TTC7B: variants seen among roughly 807,000 people sequenced by gnomAD.
The protein encoded by TTC7B is tetratricopeptide repeat protein 7B.
TTC7B carries 28 observed loss-of-function variants against 106.8 expected under a neutral mutation model. That is an observed-to-expected ratio of 0.26 (90% CI 0.19 to 0.36). The LOEUF (loss-of-function observed/expected upper bound fraction) is 0.36, where lower values mean the gene tolerates loss of function less well. Ranked by LOEUF, TTC7B falls within the 10% of genes least tolerant of loss-of-function variation. The pLI is 1.00. For synonymous variants in TTC7B, 405 were observed against 430.6 expected (o/e 0.94, Z 0.74); for missense variants, 862 against 1,076.4 (o/e 0.80, Z 2.79).
Position 90,536,352 on chromosome 14 carries a change from C to T in TTC7B, c.*5016G>A, listed in dbSNP as rs1232405722. ...AAGTGGCCCCGTCAGGCCCATGGCT[C>T]CCAGCCCCGCATCCCTGACACCTCC... is the stretch of plus-strand genomic sequence containing the variant. On this transcript the variant is annotated 3_prime_UTR_variant, in exon 20 of 20. Coordinates refer to ENST00000328459, the MANE Select transcript of TTC7B (RefSeq NM_001010854.2). 1.3e-5 allele frequency: 2 copies of T among 153,392 alleles called. No individual in the cohort carries two copies. The highest frequency in any genetic ancestry group is 2.9e-5 in the Non-Finnish European group (2 of 68,368). The allele number at this position is 153,392 out of a possible 1,614,324, so 9.5% of individuals were successfully genotyped here.
intron 7 of TTC7B, among the ~76,000 whole-genome samples, chr14:90,686,138 T>C (rs7151110): frequency 0.19 from 28,640 of 152,118 alleles, 2,848 homozygotes; most frequent in East Asian, 0.29. Context: ...AAAAGGAGTA[T>C]ATACCATGAC....
chr14:90,552,624 C>A (rs1890135134), intron 19 of TTC7B, among the ~76,000 whole-genome samples: 1 of 152,214 alleles, frequency 6.6e-6, no homozygotes, highest in Non-Finnish European at 1.5e-5. Flanking sequence ...CAGGAACCCA[C>A]ACAGAAGGGC....
At chr14:90,662,158 C>G (rs1039449958) in intron 9 of TTC7B, among the ~76,000 whole-genome samples, 1 of 152,190 alleles carries the variant, frequency 6.6e-6, no homozygotes, top group Non-Finnish European at 1.5e-5. Context: ...CAGGCACTCC[C>G]AAGAAGAGAA....
chr14:90,691,549 T>C (rs1887476589), intron 6 of TTC7B, among the ~76,000 whole-genome samples: 1 of 152,220 alleles, frequency 6.6e-6, no homozygotes. Flanking sequence ...TAGCCTGTAG[T>C]TTAAATGCAT....
intron 15 of TTC7B, among the ~76,000 whole-genome samples, chr14:90,636,427 T>G (rs1170836139): frequency 1.0e-5 from 1 of 99,880 alleles, no homozygotes; most frequent in Non-Finnish European, 2.1e-5. Flanking sequence ...AACGATGTGG[T>G]AAAAAAAAAA....
At chr14:90,558,056 G>A (rs1179593077) in intron 19 of TTC7B, among the ~76,000 whole-genome samples, 4 of 152,352 alleles carry the variant, frequency 2.6e-5, no homozygotes, top group South Asian at 2.1e-4. Flanking sequence ...TTGGTATACC[G>A]TCGGCACTCG....
intron 3 of TTC7B, among the ~76,000 whole-genome samples, chr14:90,764,737 A>G (rs753734983): frequency 1.3e-5 from 2 of 152,226 alleles, no homozygotes; most frequent in Admixed American, 1.3e-4. Flanking sequence ...CATTAGGGAA[A>G]TGCAAATAAA....
intron 18 of TTC7B, among the ~76,000 whole-genome samples, chr14:90,583,616 C>G (rs1430732504): frequency 6.6e-6 from 1 of 152,190 alleles, no homozygotes; most frequent in East Asian, 1.9e-4. Context: ...AAGGTCAGTG[C>G]TCCAGCTGCA....
chr14:90,636,211 T>C (rs529307044), intron 15 of TTC7B, among the ~76,000 whole-genome samples: 38 of 151,916 alleles, frequency 2.5e-4, no homozygotes, highest in Non-Finnish European at 4.6e-4. Context: ...CTCACACACA[T>C]GCACACACAT....
chr14:90,608,465 G>A lies in TTC7B; in HGVS notation c.1966+2277C>T, dbSNP rs997931690. Among the ~76,000 whole-genome samples the A allele has an allele frequency of 1.3e-5, 2 of 152,190 alleles. No homozygotes were observed. Among genetic ancestry groups the A allele is most frequent in the Admixed American group, 1.3e-4 (2 of 15,276 alleles). On this transcript the variant is annotated intron_variant, in intron 17 of 19. Transcript: ENST00000328459. The surrounding 1 kb of genome is among the most constrained non-coding windows in gnomAD (Gnocchi z 5.1). ...CTCAACAATGAAACCGTCTGTGGCA[G>A]TGCCTGGGAGGCTGTGGCTTCCCTG... is the stretch of plus-strand genomic sequence containing the variant.
chr14:90,636,603 C>T (rs78705160), intron 15 of TTC7B, among the ~76,000 whole-genome samples: 274 of 152,008 alleles, frequency 1.8e-3, no homozygotes, highest in Non-Finnish European at 3.2e-3. Context: ...ATGCAGAAAA[C>T]ATTCTTTTCA....
chr14:90,769,940 G>T (rs1364461529), intron 3 of TTC7B, among the ~76,000 whole-genome samples: 1 of 152,060 alleles, frequency 6.6e-6, no homozygotes, highest in African/African-American at 2.4e-5. Flanking sequence ...TTTGATACGA[G>T]GAGTTTGAGA....
At chr14:90,731,594 C>T (rs1045790888) in intron 4 of TTC7B, among the ~76,000 whole-genome samples, 4 of 152,218 alleles carry the variant, frequency 2.6e-5, no homozygotes, top group Admixed American at 6.5e-5. Flanking sequence ...TGCCCAGCTC[C>T]GTCCTGACTT....
chr14:90,526,829 T>C lies in TTC7B; in HGVS notation c.*14539A>G, dbSNP rs965576320. On this transcript the variant is annotated 3_prime_UTR_variant, in exon 20 of 20. Coordinates refer to ENST00000328459, the MANE Select transcript of TTC7B (RefSeq NM_001010854.2). The stretch of plus-strand genomic sequence containing the variant: ...AAGTTTCCTGAGGCCTCTCCAGCCA[T>C]GCTGAACTGTGAGTCAATTAAACTC... 6.6e-6 allele frequency: 1 copy of C among 152,228 alleles called. No individual in the cohort carries two copies. Among genetic ancestry groups the C allele is most frequent in the South Asian group, 2.1e-4 (1 of 4,830 alleles). The allele number at this position is 152,228 out of a possible 1,614,324, so 9.4% of individuals were successfully genotyped here.
At chr14:90,674,773 C>G (rs1177808563) in intron 9 of TTC7B, among the ~76,000 whole-genome samples, 1 of 152,190 alleles carries the variant, frequency 6.6e-6, no homozygotes, top group African/African-American at 2.4e-5. Flanking sequence ...GGGGGAGATA[C>G]AGTAACAAAT....
At chr14:90,619,615 G>C (rs150602750) in intron 15 of TTC7B, among the ~76,000 whole-genome samples, 3 of 152,176 alleles carry the variant, frequency 2.0e-5, no homozygotes, top group Admixed American at 2.0e-4. Context: ...GGCATCCCAC[G>C]TGCCAGGCCT....
At chr14:90,745,871 AT>A (rs1238864282) in intron 3 of TTC7B, among the ~76,000 whole-genome samples, 45 of 144,488 alleles carry the variant, frequency 3.1e-4, no homozygotes, top group South Asian at 4.4e-4. Flanking sequence ...CACCTGGCCA[AT>A]TTTTTTTTTT....
intron 19 of TTC7B, among the ~76,000 whole-genome samples, chr14:90,573,490 G>A (rs1891123952): frequency 7.9e-6 from 1 of 127,054 alleles, no homozygotes; most frequent in Non-Finnish European, 1.6e-5. Flanking sequence ...CCGCCTCACG[G>A]TCCCTCTCAG....
At chr14:90,671,331 C>T (rs1416088578) in intron 9 of TTC7B, among the ~76,000 whole-genome samples, 2 of 152,148 alleles carry the variant, frequency 1.3e-5, no homozygotes, top group Non-Finnish European at 2.9e-5. Flanking sequence ...TGAGATTTAC[C>T]ACAAACACAT....
Sources: allele counts gnomAD v4.1 joint callset (sites outside exome capture counted in the v4.1 genomes callset), GRCh38; gene constraint gnomAD v4.1.1; non-coding constraint Gnocchi (gnomAD v3.1); transcripts MANE v1.5; gene names NCBI Gene and HGNC (gene_info 2026-07-23, HGNC 2026-07-21).